ADAMTS6: variants seen among roughly 807,000 people sequenced by gnomAD.
ADAMTS6 encodes the protein A disintegrin and metalloproteinase with thrombospondin motifs 6.
A neutral mutation model predicts 144.3 loss-of-function variants in ADAMTS6; 23 were observed. That is an observed-to-expected ratio of 0.16 (90% confidence interval 0.11 to 0.23). The LOEUF (loss-of-function observed/expected upper bound fraction) is 0.23, where lower values mean the gene tolerates loss of function less well. ADAMTS6 is among the 10% of genes least tolerant of loss of function. The pLI is 1.00. For synonymous variants in ADAMTS6, 444 were observed against 457.5 expected (o/e 0.97, Z 0.38); for missense variants, 999 against 1,379.6 (o/e 0.72, Z 4.37).
At position 65,224,307 on chromosome 5, in the gene ADAMTS6, C is replaced by T. The variant is rs764376440; in HGVS notation, c.2272+13G>A. ...TTTAAAATCCAGCAAACTAGCATACCAGTCTAACATACCAATATAGTTCTT... is the reference window on the plus strand; with the variant it reads ...TTTAAAATCCAGCAAACTAGCATACTAGTCTAACATACCAATATAGTTCTT... On this transcript the variant is annotated intron_variant, in intron 18 of 24. Coordinates refer to ENST00000381055, the MANE Select transcript of ADAMTS6 (RefSeq NM_197941.4). The T allele has an allele frequency of 6.2e-7, 1 of 1,609,954 alleles. No individual in the cohort carries two copies. Among genetic ancestry groups the T allele is most frequent in the African/African-American group, 1.3e-5 (1 of 74,958 alleles).
At chr5:65,427,172 TG>T (rs1219212098) in intron 7 of ADAMTS6, among the ~76,000 whole-genome samples, 3 of 152,154 alleles carry the variant, frequency 2.0e-5, no homozygotes, top group African/African-American at 7.2e-5. Context: ...ATTAGCAACT[TG>T]TTACGGTTAT....
At chr5:65,314,979 A>T (rs1744852018) in intron 9 of ADAMTS6, among the ~76,000 whole-genome samples, 1 of 152,172 alleles carries the variant, frequency 6.6e-6, no homozygotes, top group Non-Finnish European at 1.5e-5. Context: ...AATATCACAC[A>T]TACCCCATAA....
chr5:65,369,660 C>T (rs1339782057), intron 7 of ADAMTS6, among the ~76,000 whole-genome samples: 2 of 151,942 alleles, frequency 1.3e-5, no homozygotes, highest in Non-Finnish European at 2.9e-5. Context: ...CTTATGATAT[C>T]TCATGAGACA....
At chr5:65,177,404 C>T (rs550552896) in intron 22 of ADAMTS6, among the ~76,000 whole-genome samples, 16 of 152,288 alleles carry the variant, frequency 1.1e-4, no homozygotes, top group African/African-American at 3.6e-4. Flanking sequence ...CCTGTGGGGA[C>T]CTGCCAAGTC....
chr5:65,350,698 G>C (rs1580463439), intron 7 of ADAMTS6, among the ~76,000 whole-genome samples: 1 of 152,280 alleles, frequency 6.6e-6, no homozygotes, highest in Non-Finnish European at 1.5e-5. Flanking sequence ...CTGTCACCCA[G>C]GCTGCAGTGC....
intron 11 of ADAMTS6, among the ~76,000 whole-genome samples, chr5:65,275,210 T>G (rs1381456879): frequency 1.5e-5 from 1 of 65,256 alleles, no homozygotes; most frequent in Non-Finnish European, 2.6e-5. Context: ...TGAGGCTCTG[T>G]GTCAAAAAAA....
At position 65,260,748 on chromosome 5, in the gene ADAMTS6, A is replaced by G. The variant is rs571679088; in HGVS notation, c.1767-85T>C. 5 of 1,009,802 alleles carry G rather than the reference A, an allele frequency of 5.0e-6. No homozygotes were observed. In the East Asian group the frequency reaches 1.4e-4, roughly 28 times the overall value. 62.6% of individuals were successfully genotyped at this position (1,009,802 alleles called of 1,614,324 possible). A position where few individuals can be genotyped will look rare whatever the true frequency, so the allele number is the denominator to read the frequency against. On this transcript the variant is annotated intron_variant, in intron 13 of 24. Transcript: ENST00000381055. Reference sequence around the variant, plus strand: ...ATATATTACTTGATGAAAACATACTAAAGTTTACTTTCAAAAAATATATCA... The same window carrying G: ...ATATATTACTTGATGAAAACATACTGAAGTTTACTTTCAAAAAATATATCA...
In ADAMTS6 at chr5:65,150,975, G is replaced by C. The variant is rs1752114295; in HGVS notation, c.*861C>G. 6.6e-6 allele frequency: 1 copy of C among 152,656 alleles called. No individual in the cohort carries two copies. Among genetic ancestry groups the C allele is most frequent in the Non-Finnish European group, 1.5e-5 (1 of 68,040 alleles). The allele number at this position is 152,656 out of a possible 1,614,324, so 9.5% of individuals were successfully genotyped here. Reference sequence around the variant, plus strand: ...AGGCATCCTGTGTGGTGGCAGCAAAGGGCCTGGTCCTTTGGTCTGTACCAT... The same window carrying C: ...AGGCATCCTGTGTGGTGGCAGCAAACGGCCTGGTCCTTTGGTCTGTACCAT... On this transcript the variant is annotated 3_prime_UTR_variant, in exon 25 of 25. Transcript: ENST00000381055.
chr5:65,346,156 A>G (rs578035495), intron 7 of ADAMTS6, among the ~76,000 whole-genome samples: 1 of 152,034 alleles, frequency 6.6e-6, no homozygotes, highest in African/African-American at 2.4e-5. Flanking sequence ...TAGCATTATC[A>G]TGATATCAAA....
In ADAMTS6 at chr5:65,262,738, A is replaced by G. The variant is rs759087279; in HGVS notation, c.1766+79T>C. The G allele has an allele frequency of 2.8e-6, 4 of 1,406,786 alleles. No individual in the cohort carries two copies. In the East Asian group the frequency reaches 8.3e-5, roughly 29 times the overall value. The allele number at this position is 1,406,786 out of a possible 1,614,324, so 87.1% of individuals were successfully genotyped here. ...TGGCTCACTAGCGAAACGTTTTTAC[A>G]GATAACATGTGAAACCACAGCTTTG... is the stretch of plus-strand genomic sequence containing the variant. On this transcript the variant is annotated intron_variant, in intron 13 of 24. Transcript: ENST00000381055.
At chr5:65,222,957 T>A (rs1340718903) in intron 18 of ADAMTS6, among the ~76,000 whole-genome samples, 3 of 151,746 alleles carry the variant, frequency 2.0e-5, no homozygotes, top group Non-Finnish European at 1.5e-5. Flanking sequence ...CAAAGACTTA[T>A]ATCCAGAATA....
intron 7 of ADAMTS6, among the ~76,000 whole-genome samples, chr5:65,345,878 T>A (rs1056828917): frequency 6.6e-6 from 1 of 151,920 alleles, no homozygotes; most frequent in Non-Finnish European, 1.5e-5. Flanking sequence ...TATTCAAATC[T>A]ATCTTATACA....
chr5:65,173,117 A>G (rs1199073454), intron 22 of ADAMTS6, 109 bp from the exon 23 acceptor site: 4 of 1,091,474 alleles, frequency 3.7e-6, no homozygotes, highest in Non-Finnish European at 5.2e-6. Flanking sequence ...ATATACACAT[A>G]TACTAAGTTC....
chr5:65,350,203 G>T (rs947471423), intron 7 of ADAMTS6, among the ~76,000 whole-genome samples: 1 of 152,176 alleles, frequency 6.6e-6, no homozygotes, highest in Non-Finnish European at 1.5e-5. Flanking sequence ...CATTCTCAGT[G>T]TAAAATTTTC....
chr5:65,172,687 C>G (rs1353839082), intron 23 of ADAMTS6, 145 bp downstream of exon 23: 9 of 935,854 alleles, frequency 9.6e-6, no homozygotes, highest in African/African-American at 1.9e-5. Context: ...GGTTTGTGCA[C>G]TGTTTCACAC....
At chr5:65,312,601 T>C (rs1239434558) in intron 9 of ADAMTS6, among the ~76,000 whole-genome samples, 1 of 152,048 alleles carries the variant, frequency 6.6e-6, no homozygotes. Flanking sequence ...TAGGTAGGAA[T>C]GTATTTAATA....
chr5:65,401,494 T>G lies in ADAMTS6; in HGVS notation c.1073+49981A>C, dbSNP rs112975985. Reference sequence around the variant, plus strand: ...AACACAAGGGAGTTTTTCTCCAATATTTACTGTGAGAACCTAGTCAAGCTC... The same window carrying G: ...AACACAAGGGAGTTTTTCTCCAATAGTTACTGTGAGAACCTAGTCAAGCTC... On this transcript the variant is annotated intron_variant, in intron 7 of 24. Transcript: ENST00000381055. Among the ~76,000 whole-genome samples the G allele has an allele frequency of 5.5e-3, 840 of 152,262 alleles. 4 individuals carry two copies. The highest frequency in any genetic ancestry group is 0.014 in the Middle Eastern group (4 of 294).
At chr5:65,476,303 C>T (rs72760602) in intron 1 of ADAMTS6, among the ~76,000 whole-genome samples, 6,943 of 152,246 alleles carry the variant, frequency 0.046, 196 homozygotes, top group Non-Finnish European at 0.068. Context: ...TCATGAGATA[C>T]CCTAAAGCTG....
intron 20 of ADAMTS6, among the ~76,000 whole-genome samples, chr5:65,201,697 C>T (rs1296204564): frequency 2.6e-5 from 4 of 152,146 alleles, no homozygotes; most frequent in East Asian, 1.9e-4. Context: ...GGCTAACCAA[C>T]ATCTAAATAA....
Sources: gnomAD v4.1 joint callset for allele counts (sites outside exome capture counted in the v4.1 genomes callset) on GRCh38, gnomAD v4.1.1 for gene constraint, MANE v1.5 for transcripts, NCBI Gene and HGNC (gene_info 2026-07-23, HGNC 2026-07-21) for gene names.